The following PTPRE variants were observed in gnomAD, a reference collection of about 807,000 sequenced individuals.
The protein encoded by PTPRE is receptor-type tyrosine-protein phosphatase epsilon.
PTPRE carries 51 observed loss-of-function variants against 102.0 expected under a neutral mutation model. That is an observed-to-expected ratio of 0.50 (90% CI 0.40 to 0.63). PTPRE has a LOEUF of 0.63. Among genes scored for constraint, PTPRE ranks in the 30% least tolerant of loss-of-function variants. The pLI is 0.00. For missense variants in PTPRE, 752 were observed against 915.1 expected (o/e 0.82, Z 2.30); for synonymous variants, 345 against 348.2 (o/e 0.99, Z 0.10).
chr10:127,993,283 G>A (rs1359820467), intron 2 of PTPRE, among the ~76,000 whole-genome samples: 1 of 152,204 alleles, frequency 6.6e-6, no homozygotes, highest in African/African-American at 2.4e-5. Flanking sequence ...TTCGGAGAAT[G>A]GCCTGACAAT....
chr10:127,937,098 T>G lies in PTPRE; in HGVS notation c.-31+29789T>G, dbSNP rs189432969. Among the ~76,000 whole-genome samples, 15 of 152,306 alleles carry G rather than the reference T, an allele frequency of 9.8e-5. No homozygotes were observed. The East Asian group carries it at 2.9e-3, about 29-fold the overall frequency. ...TGAGATTCTCACTCCTGAAAATGCC[T>G]GGACAATAAATAAATCCAAGGTGAA... On this transcript the variant is annotated intron_variant, in intron 1 of 20. Transcript: ENST00000254667.
intron 2 of PTPRE, among the ~76,000 whole-genome samples, chr10:128,032,655 A>G (rs4291589): frequency 0.55 from 83,388 of 151,952 alleles, 22,995 homozygotes; most frequent in East Asian, 0.62. Context: ...CAGGGTTGGG[A>G]CTCTTGCTGG....
chr10:127,915,426 G>A (rs1338407545), intron 1 of PTPRE, among the ~76,000 whole-genome samples: 1 of 152,184 alleles, frequency 6.6e-6, no homozygotes, highest in Admixed American at 6.5e-5. Flanking sequence ...TTGAACTGCT[G>A]TTGACTAAGC....
chr10:127,913,751 A>C (rs1405231916), intron 1 of PTPRE, among the ~76,000 whole-genome samples: 1 of 152,100 alleles, frequency 6.6e-6, no homozygotes, highest in Non-Finnish European at 1.5e-5. Context: ...AACTCTAGGG[A>C]GCTCCAGCCT....
chr10:127,919,356 G>T (rs997022716), intron 1 of PTPRE, among the ~76,000 whole-genome samples: 2 of 152,242 alleles, frequency 1.3e-5, no homozygotes, highest in African/African-American at 2.4e-5. Context: ...AATTTGAGAA[G>T]TTTGGCGAAC....
At chr10:128,054,113 A>T (rs1416582232) in intron 6 of PTPRE, among the ~76,000 whole-genome samples, 1 of 152,172 alleles carries the variant, frequency 6.6e-6, no homozygotes, top group Non-Finnish European at 1.5e-5. Flanking sequence ...ATACAGAATA[A>T]TTGCACAGAA....
chr10:128,082,023 C>G (rs533356683), intron 20 of PTPRE, among the ~76,000 whole-genome samples: 1 of 152,328 alleles, frequency 6.6e-6, no homozygotes, highest in South Asian at 2.1e-4. Context: ...CGGCCCCAAA[C>G]TCACATATCC....
At chr10:128,001,039 G>A (rs1234491661) in intron 2 of PTPRE, among the ~76,000 whole-genome samples, 3 of 152,184 alleles carry the variant, frequency 2.0e-5, no homozygotes, top group Non-Finnish European at 4.4e-5. Context: ...AACATTTGCT[G>A]TATTTTGTTC....
At chr10:127,982,526 GTGTGA>G in intron 2 of PTPRE, among the ~76,000 whole-genome samples, 1 of 146,046 alleles carries the variant, frequency 6.8e-6, no homozygotes, top group Non-Finnish European at 1.5e-5. Context: ...GTGTGTGTGT[GTGTGA>G]AATTTGGCTC....
At chr10:127,948,937 A>G (rs564264690) in intron 1 of PTPRE, among the ~76,000 whole-genome samples, 4 of 152,376 alleles carry the variant, frequency 2.6e-5, no homozygotes, top group East Asian at 3.9e-4. Flanking sequence ...CTGGGGACCC[A>G]GACACGACAA....
Position 127,954,166 on chromosome 10 carries a change from G to A in PTPRE, c.-30-28108G>A, listed in dbSNP as rs79631067. 1.4e-3 allele frequency among the ~76,000 whole-genome samples: 220 copies of A among 152,274 alleles called. 6 individuals carry two copies. In the East Asian group the frequency reaches 0.038, roughly 26 times the overall value. On this transcript the variant is annotated intron_variant, in intron 1 of 20. Coordinates refer to ENST00000254667, the MANE Select transcript of PTPRE (RefSeq NM_006504.6). ...CCCCAGCCACCCCTGTCATGGACTC[G>A]TGATCTAAGTGGTCATGGTGGCAGG... is the stretch of plus-strand genomic sequence containing the variant.
chr10:127,961,032 A>AT (rs1849770563), intron 1 of PTPRE, among the ~76,000 whole-genome samples: 1 of 151,052 alleles, frequency 6.6e-6, no homozygotes, highest in Admixed American at 6.6e-5. Flanking sequence ...AAAAAAAAAA[A>AT]ATACAGAAAC....
At chr10:127,972,043 G>T (rs1850784298) in intron 1 of PTPRE, among the ~76,000 whole-genome samples, 1 of 152,198 alleles carries the variant, frequency 6.6e-6, no homozygotes, top group Non-Finnish European at 1.5e-5. Flanking sequence ...GTGGGAAGAT[G>T]GTATTTCAGC....
At chr10:127,988,917 T>C (rs1185982709) in intron 2 of PTPRE, among the ~76,000 whole-genome samples, 1 of 152,224 alleles carries the variant, frequency 6.6e-6, no homozygotes, top group Non-Finnish European at 1.5e-5. Context: ...GTGGAACTAC[T>C]GAACAAAAAC....
chr10:127,941,439 G>A (rs1382888315), intron 1 of PTPRE, among the ~76,000 whole-genome samples: 1 of 152,192 alleles, frequency 6.6e-6, no homozygotes, highest in Non-Finnish European at 1.5e-5. Context: ...GGCCTGAGCC[G>A]AGGGGAGCAA....
chr10:128,019,116 C>T (rs1326433130), intron 2 of PTPRE, among the ~76,000 whole-genome samples: 1 of 152,148 alleles, frequency 6.6e-6, no homozygotes, highest in Non-Finnish European at 1.5e-5. Context: ...GGTCCCTGGG[C>T]CCCCTCTCCC....
intron 15 of PTPRE, chr10:128,071,670 C>T (rs1466683312): frequency 6.3e-6 from 1 of 158,476 alleles, no homozygotes; most frequent in African/African-American, 2.4e-5. Flanking sequence ...GACAGAGTCA[C>T]AGCTCAACAA....
rs952272329 is a variant in PTPRE, at chr10:127,970,464, C to T, written c.-30-11810C>T. Reference sequence around the variant, plus strand: ...CCTGTCCTGTAAGGCCAACTGAGCTCTCCTCCCTCATTACCTGTCCCCAGG... The same window carrying T: ...CCTGTCCTGTAAGGCCAACTGAGCTTTCCTCCCTCATTACCTGTCCCCAGG... On this transcript the variant is annotated intron_variant, in intron 1 of 20. Transcript: ENST00000254667. Among the ~76,000 whole-genome samples, 25 of 152,134 alleles carry T rather than the reference C, an allele frequency of 1.6e-4. 1 individual carries two copies. Among genetic ancestry groups the T allele is most frequent in the African/African-American group, 5.8e-4 (24 of 41,528 alleles).
intron 2 of PTPRE, among the ~76,000 whole-genome samples, chr10:127,984,678 C>T (rs757139043): frequency 6.6e-6 from 1 of 152,104 alleles, no homozygotes; most frequent in Admixed American, 6.5e-5. Context: ...ATACTGTTCT[C>T]GTGGTAGTGA....
Sources: allele counts gnomAD v4.1 joint callset (sites outside exome capture counted in the v4.1 genomes callset), GRCh38; gene constraint gnomAD v4.1.1; transcripts MANE v1.5; gene names NCBI Gene and HGNC (gene_info 2026-07-23, HGNC 2026-07-21).